IL12RB2: variants seen among roughly 807,000 people sequenced by gnomAD.
IL12RB2 encodes interleukin-12 receptor subunit beta-2.
IL12RB2 carries 82 observed loss-of-function variants against 89.4 expected under a neutral mutation model. That is an observed-to-expected ratio of 0.92 (90% CI 0.77 to 1.10). The LOEUF (loss-of-function observed/expected upper bound fraction) is 1.10. Among genes scored for constraint, IL12RB2 ranks in the 50% least tolerant of loss-of-function variants. The probability of loss-of-function intolerance (pLI) is 0.00; values close to 1 mark genes in which losing one functional copy is unlikely to be tolerated. For synonymous variants in IL12RB2, 368 were observed against 370.1 expected (o/e 0.99, Z 0.07); for missense variants, 963 against 1,031.9 (o/e 0.93, Z 0.92).
intron 7 of IL12RB2, among the ~76,000 whole-genome samples, chr1:67,330,073 G>A (rs1657856932): frequency 1.3e-5 from 2 of 152,052 alleles, no homozygotes; most frequent in East Asian, 1.9e-4. Context: ...AATGTCCACA[G>A]AGAGTTATAT....
intron 10 of IL12RB2, among the ~76,000 whole-genome samples, chr1:67,357,451 T>C (rs1308093388): frequency 2.0e-5 from 3 of 152,230 alleles, no homozygotes; most frequent in African/African-American, 7.2e-5. Flanking sequence ...GATTTCAGTA[T>C]TGTATAGCAA....
Position 67,331,491 on chromosome 1 carries a change from C to T in IL12RB2, c.958+681C>T, listed in dbSNP as rs1469792120. ...CAAAAATGCCTATGTAAACTTTATG[C>T]CAATATTAAATCTTTGGAGACACAA... On this transcript the variant is annotated intron_variant, in intron 8 of 16. Coordinates refer to ENST00000674203, the MANE Select transcript of IL12RB2 (RefSeq NM_001374259.2). Among the ~76,000 whole-genome samples the T allele has an allele frequency of 1.3e-5, 2 of 152,152 alleles. 1 individual carries two copies. Among genetic ancestry groups the T allele is most frequent in the Middle Eastern group, 6.8e-3 (2 of 294 alleles).
Position 67,338,672 on chromosome 1 carries a change from A to G in IL12RB2, c.1007A>G (p.Tyr336Cys), listed in dbSNP as rs146568326. ...DVWYMKRHID[Y>C]SRQQISLFWK... ...TGGTACATGAAACGGCACATTGACT[A>G]CAGTAGACAACAGATTTCTCTTTTC... Residue 336 changes from tyrosine (Y) to cysteine (C), a missense_variant, in exon 9 of 17, where the codon TAC becomes TGC. Physicochemically the swap from Tyr to Cys is radical, Grantham distance 194. Coordinates refer to ENST00000674203, the MANE Select transcript of IL12RB2 (RefSeq NM_001374259.2). 2.3e-4 allele frequency: 352 copies of G among 1,540,904 alleles called. 1 individual carries two copies. The African/African-American group carries it at 4.3e-3, about 19-fold the overall frequency.
intron 9 of IL12RB2, among the ~76,000 whole-genome samples, chr1:67,345,958 T>C (rs1411843825): frequency 5.3e-5 from 8 of 152,204 alleles, no homozygotes; most frequent in Admixed American, 5.2e-4. Context: ...TTTTCTGTTT[T>C]TCTAGCTGCC....
intron 10 of IL12RB2, among the ~76,000 whole-genome samples, chr1:67,352,266 G>A (rs574018785): frequency 6.6e-6 from 1 of 152,282 alleles, no homozygotes; most frequent in African/African-American, 2.4e-5. Flanking sequence ...CCAAAAGCCT[G>A]ACTATAGGAA....
At chr1:67,382,607 G>A (rs560414412) in intron 14 of IL12RB2, among the ~76,000 whole-genome samples, 61 of 151,706 alleles carry the variant, frequency 4.0e-4, no homozygotes, top group African/African-American at 1.4e-3. Context: ...AGTACTGGCT[G>A]TTCCCTCCTT....
At chr1:67,363,405 G>A (rs1303254977) in intron 10 of IL12RB2, among the ~76,000 whole-genome samples, 3 of 150,540 alleles carry the variant, frequency 2.0e-5, no homozygotes, top group Middle Eastern at 3.5e-3. Context: ...TAGTAGAGAC[G>A]GGGTTTCTCC....
chr1:67,338,462 T>C (rs914589393), intron 8 of IL12RB2, among the ~76,000 whole-genome samples, 162 bp from the exon 9 acceptor site: 1 of 150,594 alleles, frequency 6.6e-6, no homozygotes, highest in Non-Finnish European at 1.5e-5. Flanking sequence ...CAAAGATATA[T>C]ATGTTCATTG....
chr1:67,379,382 T>G (rs985871526), intron 13 of IL12RB2, among the ~76,000 whole-genome samples: 8 of 127,260 alleles, frequency 6.3e-5, no homozygotes, highest in Non-Finnish European at 1.2e-4. Context: ...TGGTGGCACA[T>G]ACCTGTAGTC....
At chr1:67,331,814 G>C (rs1658116214) in intron 8 of IL12RB2, among the ~76,000 whole-genome samples, 1 of 152,004 alleles carries the variant, frequency 6.6e-6, no homozygotes, top group African/African-American at 2.4e-5. Flanking sequence ...AATCCAGCCT[G>C]GGCAACAGAT....
chr1:67,329,933 G>A (rs1036632013), intron 7 of IL12RB2, among the ~76,000 whole-genome samples: 1 of 152,030 alleles, frequency 6.6e-6, no homozygotes, highest in African/African-American at 2.4e-5. Context: ...AATTTTTAAA[G>A]CTTTTGTAAA....
intron 15 of IL12RB2, among the ~76,000 whole-genome samples, chr1:67,387,361 C>A (rs1276184413): frequency 2.0e-5 from 3 of 152,020 alleles, no homozygotes; most frequent in Non-Finnish European, 2.9e-5. Flanking sequence ...CCTGATATAT[C>A]TTGTACTATA....
chr1:67,377,854 G>A (rs552414814), intron 13 of IL12RB2, among the ~76,000 whole-genome samples: 4 of 152,196 alleles, frequency 2.6e-5, no homozygotes, highest in South Asian at 2.1e-4. Context: ...GGCGGGGTGC[G>A]GTGGCTCACG....
chr1:67,363,211 ATTTTTTTTTT>A lies in IL12RB2; in HGVS notation c.1259-4601_1259-4592del, dbSNP rs199805464. Reference sequence around the variant, plus strand: ...CCACTGTGCCTGGCCAATTATTCTTATTTTTTTTTTTTTTTTTTTTTTGAGACAGAGCTTT... The same window carrying A: ...CCACTGTGCCTGGCCAATTATTCTTATTTTTTTTTTTTGAGACAGAGCTTT... On this transcript the variant is annotated intron_variant, in intron 10 of 16. Coordinates refer to ENST00000674203, the MANE Select transcript of IL12RB2 (RefSeq NM_001374259.2). Among the ~76,000 whole-genome samples, 3 of 97,222 alleles carry A rather than the reference ATTTTTTTTTT, an allele frequency of 3.1e-5. No individual in the cohort carries two copies. In the East Asian group the frequency reaches 9.0e-4, roughly 29 times the overall value. 63.8% of individuals were successfully genotyped at this position (97,222 alleles called of 152,430 possible). A position where few individuals can be genotyped will look rare whatever the true frequency, so the allele number is the denominator to read the frequency against.
chr1:67,326,995 T>G (rs1657409913), intron 5 of IL12RB2, 146 bp downstream of exon 5: 1 of 681,214 alleles, frequency 1.5e-6, no homozygotes, highest in African/African-American at 2.0e-5. Flanking sequence ...GGAATCTCAC[T>G]CTGTCACCAG....
chr1:67,328,065 G>A, intron 5 of IL12RB2, 135 bp from the exon 6 acceptor site: 2 of 722,860 alleles, frequency 2.8e-6, no homozygotes, highest in East Asian at 2.6e-5. Flanking sequence ...TTCCCGGGGT[G>A]TATCCCCTAG....
chr1:67,382,103 C>G (rs1371906201), intron 14 of IL12RB2, among the ~76,000 whole-genome samples: 1 of 152,204 alleles, frequency 6.6e-6, no homozygotes, highest in Non-Finnish European at 1.5e-5. Flanking sequence ...GAGATTTGGC[C>G]AAGTGCCGTG....
At chr1:67,388,658 A>G (rs1665487835) in intron 15 of IL12RB2, among the ~76,000 whole-genome samples, 1 of 152,160 alleles carries the variant, frequency 6.6e-6, no homozygotes, top group Admixed American at 6.5e-5. Flanking sequence ...CCACAATATT[A>G]ATGGTGTTTA....
At chr1:67,360,558 G>T (rs1046981888) in intron 10 of IL12RB2, among the ~76,000 whole-genome samples, 25 of 152,164 alleles carry the variant, frequency 1.6e-4, no homozygotes, top group African/African-American at 4.6e-4. Context: ...CACTTTGGGA[G>T]GCCAAGGCAG....
Sources: allele counts gnomAD v4.1 joint callset (sites outside exome capture counted in the v4.1 genomes callset), GRCh38; gene constraint gnomAD v4.1.1; transcripts MANE v1.5; gene names NCBI Gene and HGNC (gene_info 2026-07-23, HGNC 2026-07-21).